Variants in ZAP70 observed in about 807,000 individuals in gnomAD.
The protein encoded by ZAP70 is zeta chain of T cell receptor associated protein kinase 70.
ZAP70 carries 27 observed loss-of-function variants against 65.8 expected under a neutral mutation model. The observed-to-expected ratio is 0.41, with a 90% CI of 0.30 to 0.57. The LOEUF (loss-of-function observed/expected upper bound fraction) is 0.57. Among genes scored for constraint, ZAP70 ranks in the 20% least tolerant of loss-of-function variants. The pLI is 0.28. For missense variants in ZAP70, 696 were observed against 870.5 expected (o/e 0.80, Z 2.52); for synonymous variants, 363 against 360.8 (o/e 1.01, Z -0.07).
rs1433876495 is a variant in ZAP70, at chr2:97,715,507, G to A, written c.-22+1513G>A. 6.6e-6 allele frequency among the ~76,000 whole-genome samples: 1 copy of A among 152,198 alleles called. No homozygotes were observed. The highest frequency in any genetic ancestry group is 1.5e-5 in the Non-Finnish European group (1 of 68,040). The stretch of plus-strand genomic sequence containing the variant: ...CACACAGGCAGTGGAGGCCGGAGTT[G>A]GGGGCCTCACTGGAGGGGCGGTGGA... On this transcript the variant is annotated intron_variant, in intron 2 of 13. Transcript: ENST00000264972. The surrounding 1 kb of genome is among the most constrained non-coding windows in gnomAD (Gnocchi z 4.1).
chr2:97,754,645 C>G, the ZAP70 span, among the ~76,000 whole-genome samples: 5 of 152,150 alleles, frequency 3.3e-5, no homozygotes, highest in African/African-American at 1.2e-4. Context: ...TCAGTTGATC[C>G]GCCCACCTCG....
chr2:97,733,056 C>A (rs374368680), intron 5 of ZAP70, 35 bp downstream of exon 5: 4 of 1,613,874 alleles, frequency 2.5e-6, no homozygotes, highest in Non-Finnish European at 2.5e-6. Flanking sequence ...TGGGAGATGC[C>A]GTGCTCAGAT....
intron 4 of ZAP70, chr2:97,732,654 T>C (rs1677656958): frequency 1.6e-6 from 1 of 626,352 alleles, no homozygotes; most frequent in Non-Finnish European, 2.8e-6. Flanking sequence ...TGGAGAACAG[T>C]GCATTTTCCT....
chr2:97,725,486 C>T (rs1006682131), intron 4 of ZAP70, among the ~76,000 whole-genome samples: 7 of 152,210 alleles, frequency 4.6e-5, no homozygotes, highest in Admixed American at 1.3e-4. Flanking sequence ...ATCCCGCTTC[C>T]GCCACCTGCT....
chr2:97,725,222 A>C lies in ZAP70; in HGVS notation c.533A>C (p.Tyr178Ser). Residue 178 changes from tyrosine (Y) to serine (S), a missense_variant, in exon 4 of 14, where the codon TAC (tyrosine) becomes TCC (serine). By Grantham distance (144) the Tyr-to-Ser change is moderately radical. Around this residue, in one of 3 missense-constraint regions of ZAP70, gnomAD observed 551 missense variants for 630.0 expected, o/e 0.87. Coordinates refer to ENST00000264972, the MANE Select transcript of ZAP70 (RefSeq NM_001079.4). ...CGTGAGGAGGCCGAGCGCAAACTTT[A>C]CTCTGGGGCGCAGACCGACGGCAAG... ...LTREEAERKL[Y>S]SGAQTDGKFL... 1 of 1,613,568 alleles carries C rather than the reference A, an allele frequency of 6.2e-7. No individual in the cohort carries two copies. Among genetic ancestry groups the C allele is most frequent in the Non-Finnish European group, 8.5e-7 (1 of 1,179,788 alleles).
intron 4 of ZAP70, among the ~76,000 whole-genome samples, chr2:97,732,146 A>G (rs1677636857): frequency 6.6e-6 from 1 of 152,198 alleles, no homozygotes; most frequent in African/African-American, 2.4e-5. Flanking sequence ...TGAGGGGCTC[A>G]ATTCCCATCA....
chr2:97,721,022 C>A (rs558765381), intron 2 of ZAP70, among the ~76,000 whole-genome samples: 1 of 152,308 alleles, frequency 6.6e-6, no homozygotes, highest in Admixed American at 6.5e-5. Context: ...TTCTCCAATG[C>A]AAACTTATGC....
At chr2:97,732,573 C>A in intron 4 of ZAP70, 1 of 475,122 alleles carries the variant, frequency 2.1e-6, no homozygotes. Flanking sequence ...GGATGGGTGT[C>A]CCCTCCTCCG....
At position 97,734,728 on chromosome 2, in the gene ZAP70, C is replaced by G. The variant is rs201365297; in HGVS notation, c.1082+16C>G. 251 of 1,612,796 alleles carry G rather than the reference C, an allele frequency of 1.6e-4. No individual in the cohort carries two copies. The East Asian group carries it at 3.5e-3, about 22-fold the overall frequency. ...GCATGCGCAAGTATGGCCGCCCCTG[C>G]CGTGGTGGGAGCACCGCCGCCTGGG... On this transcript the variant is annotated intron_variant, in intron 9 of 13. Coordinates refer to ENST00000264972, the MANE Select transcript of ZAP70 (RefSeq NM_001079.4).
At chr2:97,717,305 C>T (rs546957367) in intron 2 of ZAP70, among the ~76,000 whole-genome samples, 53 of 150,046 alleles carry the variant, frequency 3.5e-4, no homozygotes, top group South Asian at 8.4e-4. Context: ...CCTGCTCCTG[C>T]AGAGCCTTGG....
the ZAP70 span, among the ~76,000 whole-genome samples, chr2:97,747,829 T>TG: frequency 1.5e-5 from 2 of 130,960 alleles, no homozygotes; most frequent in East Asian, 2.4e-4. Flanking sequence ...TTTTTTTTTT[T>TG]TTTTTTTTTT....
chr2:97,747,815 G>GGTTTTTTTT, the ZAP70 span, among the ~76,000 whole-genome samples: 2 of 54,746 alleles, frequency 3.7e-5, no homozygotes, highest in African/African-American at 1.8e-4. Context: ...CTGGCACGAG[G>GGTTTTTTTT]TTTTTTTTTT....
At position 97,725,265 on chromosome 2, in the gene ZAP70, C is replaced by G. The variant is rs2289918; in HGVS notation, c.563+13C>G. The G allele has an allele frequency of 0.11, 180,832 of 1,610,854 alleles. 12,677 individuals carry two copies. The highest frequency in any genetic ancestry group is 0.34 in the African/African-American group (25,391 of 74,886). On this transcript the variant is annotated intron_variant, in intron 4 of 13. Coordinates refer to ENST00000264972, the MANE Select transcript of ZAP70 (RefSeq NM_001079.4). ...ACGGCAAGTTCCTGTATGTGGGGCC[C>G]GGGATTTGGGTGCGGTGAGGATTGG...
At chr2:97,741,482 T>A (rs1240761000), downstream of ZAP70, among the ~76,000 whole-genome samples, 3 of 151,102 alleles carry the variant, frequency 2.0e-5, no homozygotes, top group African/African-American at 7.3e-5. Context: ...TCCCGGGTGA[T>A]GTCCGCTAGG....
chr2:97,730,817 A>G (rs1677567201), intron 4 of ZAP70, among the ~76,000 whole-genome samples: 1 of 152,178 alleles, frequency 6.6e-6, no homozygotes, highest in African/African-American at 2.4e-5. Flanking sequence ...GCACTTTGGG[A>G]GGCCGAGGCA....
At chr2:97,754,310 G>A in the ZAP70 span, among the ~76,000 whole-genome samples, 12 of 152,282 alleles carry the variant, frequency 7.9e-5, no homozygotes, top group Admixed American at 5.9e-4. Context: ...GTTTGGTCGG[G>A]GGGGGTCTCA....
Position 97,738,049 on chromosome 2 carries a change from T to C in ZAP70, c.1678T>C (p.Cys560Arg). The change falls in exon 13 of 14, where the codon TGC becomes CGC. Residue 560 changes from cysteine (C) to arginine (R), a missense_variant. By Grantham distance (180) the Cys-to-Arg change is radical. Coordinates refer to ENST00000264972, the MANE Select transcript of ZAP70 (RefSeq NM_001079.4). ...AFIEQGKRME[C>R]PPECPPELYA... ...CATCGAGCAGGGCAAGCGGATGGAGTGCCCACCAGAGTGTCCACCCGAACT... is the reference window on the plus strand; with the variant it reads ...CATCGAGCAGGGCAAGCGGATGGAGCGCCCACCAGAGTGTCCACCCGAACT... 6.2e-7 allele frequency: 1 copy of C among 1,612,126 alleles called. No individual in the cohort carries two copies. The highest frequency in any genetic ancestry group is 8.5e-7 in the Non-Finnish European group (1 of 1,179,028).
the ZAP70 span, among the ~76,000 whole-genome samples, chr2:97,749,088 C>A: frequency 6.7e-6 from 1 of 149,596 alleles, no homozygotes; most frequent in Non-Finnish European, 1.5e-5. Context: ...CGGCTCACTG[C>A]AAGCTCCGCC....
At position 97,737,324 on chromosome 2, in the gene ZAP70, C is replaced by G. The variant is rs1677932127; in HGVS notation, c.1290-149C>G. On this transcript the variant is annotated intron_variant, in intron 10 of 13. Transcript: ENST00000264972. The surrounding 1 kb of genome is among the most constrained non-coding windows in gnomAD (Gnocchi z 5.0). ...TTTTGTTCACTGCTGTGTCCCCAGC[C>G]CCACGCCTGGCACACAGCAGGTGCT... The G allele has an allele frequency of 1.3e-5, 10 of 789,360 alleles. No homozygotes were observed. The highest frequency in any genetic ancestry group is 1.1e-4 in the South Asian group (7 of 63,498). 48.9% of individuals were successfully genotyped at this position (789,360 alleles called of 1,614,324 possible). A position where few individuals can be genotyped will look rare whatever the true frequency, so the allele number is the denominator to read the frequency against.
Sources: allele counts gnomAD v4.1 joint callset (sites outside exome capture counted in the v4.1 genomes callset), GRCh38; gene constraint gnomAD v4.1.1; regional missense constraint gnomAD v4.1.1; non-coding constraint Gnocchi (gnomAD v3.1); transcripts MANE v1.5; gene names NCBI Gene and HGNC (gene_info 2026-07-23, HGNC 2026-07-21).